Variants in NPY1R observed in about 807,000 individuals in gnomAD.
NPY1R encodes the protein neuropeptide Y receptor type 1.
NPY1R carries 10 observed loss-of-function variants against 24.1 expected under a neutral mutation model. The ratio of observed to expected loss-of-function variants is 0.42; its 90% CI spans 0.26 to 0.71. The LOEUF is 0.71. Ranked by LOEUF, NPY1R falls within the 30% of genes least tolerant of loss-of-function variation. NPY1R has a pLI of 0.28. For missense variants in NPY1R, 350 were observed against 458.0 expected (o/e 0.76, Z 2.15); for synonymous variants, 168 against 165.9 (o/e 1.01, Z -0.10).
upstream of NPY1R, chr4:163,332,845 G>C (rs1424624758): frequency 6.6e-6 from 1 of 152,254 alleles, no homozygotes; most frequent in Non-Finnish European, 1.5e-5. Flanking sequence ...CTCGACTCCG[G>C]GGAAGGCAGG....
intron 1 of NPY1R, among the ~76,000 whole-genome samples, chr4:163,338,942 G>A (rs527263497): frequency 6.6e-6 from 1 of 152,086 alleles, no homozygotes; most frequent in African/African-American, 2.4e-5. Context: ...GTCTCAGATT[G>A]CCACTGATTT....
At chr4:163,330,256 G>A (rs1734697482) in intron 1 of NPY1R, among the ~76,000 whole-genome samples, 1 of 152,192 alleles carries the variant, frequency 6.6e-6, no homozygotes, top group South Asian at 2.1e-4. Flanking sequence ...ATGAGTTCAG[G>A]TAAACGTACT....
chr4:163,334,064 AG>A (rs1049433507), upstream of NPY1R, among the ~76,000 whole-genome samples: 17 of 152,132 alleles, frequency 1.1e-4, no homozygotes, highest in African/African-American at 4.1e-4. Context: ...GGCACAATTT[AG>A]GAATTTCAAC....
Sources: allele counts gnomAD v4.1 joint callset (sites outside exome capture counted in the v4.1 genomes callset), GRCh38; gene constraint gnomAD v4.1.1; transcripts MANE v1.5; gene names NCBI Gene and HGNC (gene_info 2026-07-23, HGNC 2026-07-21).